The following RIC8B variants were observed in gnomAD, a reference collection of about 807,000 sequenced individuals.
The protein encoded by RIC8B is chaperone Ric-8B.
RIC8B carries 16 observed loss-of-function variants against 57.5 expected under a neutral mutation model. The observed-to-expected ratio is 0.28, with a 90% CI of 0.19 to 0.42. The LOEUF is 0.42. RIC8B is among the 10% of genes least tolerant of loss of function. The pLI, the probability that RIC8B is intolerant of heterozygous loss-of-function variation, is 1.00. For synonymous variants in RIC8B, 216 were observed against 250.8 expected, an observed-to-expected ratio of 0.86 and a Z score of 1.31; for missense variants, 481 against 677.0, an observed-to-expected ratio of 0.71 and a Z score of 3.21.
At chr12:106,818,641 G>T (rs1162632200) in intron 3 of RIC8B, among the ~76,000 whole-genome samples, 1 of 152,158 alleles carries the variant, frequency 6.6e-6, no homozygotes, top group East Asian at 1.9e-4. Flanking sequence ...TAAGACGTGG[G>T]TCTTGCTATG....
At chr12:106,831,447 A>G (rs924605415) in intron 4 of RIC8B, among the ~76,000 whole-genome samples, 2 of 152,176 alleles carry the variant, frequency 1.3e-5, no homozygotes, top group East Asian at 1.9e-4. Flanking sequence ...ATATGATTCT[A>G]CCAAACCTTT....
rs1950802845 is a variant in RIC8B at position 106,879,062 on chromosome 12, C to G, written c.1572-6842C>G. On this transcript the variant is annotated intron_variant, in intron 9 of 9. Coordinates refer to ENST00000392837, the MANE Select transcript of RIC8B (RefSeq NM_001330145.2). This position sits in a 1 kb window ranked among gnomAD's most constrained non-coding sequence, Gnocchi z 4.9. Reference sequence around the variant, plus strand: ...GACAAGAAAGAAGAGCCCTTGAAAACAAGGGAATGATTTTTGAGTCGTTAT... The same window carrying G: ...GACAAGAAAGAAGAGCCCTTGAAAAGAAGGGAATGATTTTTGAGTCGTTAT... The G allele has an allele frequency of 3.0e-6, 3 of 985,732 alleles. No individual in the cohort carries two copies. The highest frequency in any genetic ancestry group is 3.6e-6 in the Non-Finnish European group (3 of 829,900). 61.1% of individuals were successfully genotyped at this position (985,732 alleles called of 1,614,324 possible). A position where few individuals can be genotyped will look rare whatever the true frequency, so the allele number is the denominator to read the frequency against.
At chr12:106,821,198 A>C (rs773022093) in intron 3 of RIC8B, among the ~76,000 whole-genome samples, 4 of 152,234 alleles carry the variant, frequency 2.6e-5, no homozygotes, top group Non-Finnish European at 5.9e-5. Flanking sequence ...AAATTACTTA[A>C]GGAAAGTCAC....
chr12:106,803,865 GAAATGC>G (rs1400864720), intron 2 of RIC8B, among the ~76,000 whole-genome samples: 1 of 152,134 alleles, frequency 6.6e-6, no homozygotes, highest in Non-Finnish European at 1.5e-5. Context: ...CTTGTTCTTA[GAAATGC>G]AAAATTTTAG....
intron 7 of RIC8B, among the ~76,000 whole-genome samples, chr12:106,854,935 A>G (rs1479437857): frequency 6.6e-6 from 1 of 152,178 alleles, no homozygotes; most frequent in Non-Finnish European, 1.5e-5. Context: ...GTTAACTTGT[A>G]CTCATGCCAT....
At chr12:106,846,051 C>T (rs1184016273) in intron 6 of RIC8B, among the ~76,000 whole-genome samples, 1 of 152,194 alleles carries the variant, frequency 6.6e-6, no homozygotes, top group Non-Finnish European at 1.5e-5. Flanking sequence ...GTCTCTATCT[C>T]TGCTGCCATG....
At chr12:106,779,174 A>C (rs1307383982) in intron 1 of RIC8B, among the ~76,000 whole-genome samples, 7 of 151,342 alleles carry the variant, frequency 4.6e-5, no homozygotes, top group Non-Finnish European at 8.8e-5. Context: ...CGGCCTCCCA[A>C]AGTGCTGGGA....
chr12:106,777,555 A>G (rs952229924), intron 1 of RIC8B, among the ~76,000 whole-genome samples: 9 of 152,182 alleles, frequency 5.9e-5, no homozygotes, highest in African/African-American at 2.2e-4. Context: ...TTGGGAGAGT[A>G]GTGGAGAGGT....
At chr12:106,861,028 A>T (rs552985243) in intron 8 of RIC8B, among the ~76,000 whole-genome samples, 1 of 152,126 alleles carries the variant, frequency 6.6e-6, no homozygotes, top group African/African-American at 2.4e-5. Context: ...AGACACTATA[A>T]TTATTCTCTT....
chr12:106,783,806 C>T (rs1480677408), intron 1 of RIC8B, among the ~76,000 whole-genome samples, 191 bp from the exon 2 acceptor site: 1 of 152,154 alleles, frequency 6.6e-6, no homozygotes, highest in Admixed American at 6.6e-5. Flanking sequence ...GTATATATAT[C>T]TGCTGTAGTC....
At chr12:106,807,185 G>A (rs1403455141) in intron 2 of RIC8B, among the ~76,000 whole-genome samples, 1 of 152,128 alleles carries the variant, frequency 6.6e-6, no homozygotes, top group Non-Finnish European at 1.5e-5. Context: ...TTTTGATTCT[G>A]TATGGTACAG....
intron 3 of RIC8B, among the ~76,000 whole-genome samples, chr12:106,822,077 C>CAAAAAAAAAAAAAAAAAAAAAAAAAA (rs67378158): frequency 1.3e-4 from 5 of 38,038 alleles, no homozygotes; most frequent in Non-Finnish European, 1.8e-4. Flanking sequence ...GACTCCATCT[C>CAAAAAAAAAAAAAAAAAAAAAAAAAA]AAAAAAAAAA....
intron 7 of RIC8B, among the ~76,000 whole-genome samples, chr12:106,858,807 A>T (rs1278298010): frequency 6.6e-6 from 1 of 152,098 alleles, no homozygotes; most frequent in African/African-American, 2.4e-5. Context: ...CCTTTCATTT[A>T]TCCCCATACC....
At chr12:106,874,641 C>T (rs1225438147) in intron 9 of RIC8B, 2 of 1,133,398 alleles carry the variant, frequency 1.8e-6, no homozygotes, top group African/African-American at 3.1e-5. Context: ...ATTGTAAAAC[C>T]ACCAATGTAA....
At chr12:106,844,849 A>C (rs1949115134) in intron 6 of RIC8B, among the ~76,000 whole-genome samples, 2 of 152,220 alleles carry the variant, frequency 1.3e-5, no homozygotes, top group Admixed American at 6.5e-5. Flanking sequence ...AGAAAAAATA[A>C]GGGTGATTTT....
chr12:106,816,867 A>C (rs1293582273), intron 3 of RIC8B, among the ~76,000 whole-genome samples: 1 of 152,218 alleles, frequency 6.6e-6, no homozygotes, highest in Non-Finnish European at 1.5e-5. Context: ...GCAAATACTC[A>C]TTCTGTGTTA....
intron 2 of RIC8B, among the ~76,000 whole-genome samples, 163 bp from the exon 3 acceptor site, chr12:106,814,533 G>T (rs1296506455): frequency 6.6e-6 from 1 of 152,128 alleles, no homozygotes; most frequent in Non-Finnish European, 1.5e-5. Context: ...CATCCTGATG[G>T]TGACCTTATA....
chr12:106,789,451 A>G (rs12230048), intron 2 of RIC8B, among the ~76,000 whole-genome samples: 14,681 of 152,192 alleles, frequency 0.096, 826 homozygotes, highest in East Asian at 0.26. Flanking sequence ...TCACACGGCT[A>G]ATAAAGACAT....
Position 106,779,012 on chromosome 12 carries a change from C to T in RIC8B, c.84+4183C>T, listed in dbSNP as rs541372670. The stretch of plus-strand genomic sequence containing the variant: ...TATCATAACCTCTGCCTCCTGGGTT[C>T]GAATGATTCTCCTGCTTCAGCCTCC... On this transcript the variant is annotated intron_variant, in intron 1 of 9. Transcript: ENST00000392837. Among the ~76,000 whole-genome samples, 266 of 152,150 alleles carry T rather than the reference C, an allele frequency of 1.7e-3. 1 individual carries two copies. The highest frequency in any genetic ancestry group is 0.01 in the Middle Eastern group (3 of 292).
Sources: gnomAD v4.1 joint callset for allele counts (sites outside exome capture counted in the v4.1 genomes callset) on GRCh38, gnomAD v4.1.1 for gene constraint, Gnocchi (gnomAD v3.1) non-coding constraint, MANE v1.5 for transcripts, NCBI Gene and HGNC (gene_info 2026-07-23, HGNC 2026-07-21) for gene names.